CLTA: variants seen among roughly 807,000 people sequenced by gnomAD.
CLTA encodes clathrin, light polypeptide (Lca).
A neutral mutation model predicts 26.9 loss-of-function variants in CLTA; 9 were observed. The observed-to-expected ratio is 0.33, with a 90% CI of 0.20 to 0.58. The LOEUF (loss-of-function observed/expected upper bound fraction) is 0.58, where lower values mean the gene tolerates loss of function less well. CLTA is among the 20% of genes least tolerant of loss of function. CLTA has a pLI of 0.85. For synonymous variants in CLTA, 120 were observed against 115.5 expected, an observed-to-expected ratio of 1.04 and a Z score of -0.25; for missense variants, 278 against 294.2, an observed-to-expected ratio of 0.94 and a Z score of 0.40.
At chr9:36,199,295 G>A (rs778929879) in intron 3 of CLTA, among the ~76,000 whole-genome samples, 199 bp downstream of exon 3, 16 of 152,078 alleles carry the variant, frequency 1.1e-4, no homozygotes, top group Non-Finnish European at 1.9e-4. Context: ...TAGGGTAGCC[G>A]GAGATCCCCA....
chr9:36,211,456 C>A, intron 4 of CLTA, 147 bp from the exon 5 acceptor site: 1 of 1,053,212 alleles, frequency 9.5e-7, no homozygotes, highest in Non-Finnish European at 1.4e-6. Flanking sequence ...CTACCTGAGT[C>A]TGACCTGGGC....
At chr9:36,196,521 T>G (rs2132870068) in intron 1 of CLTA, among the ~76,000 whole-genome samples, 1 of 151,752 alleles carries the variant, frequency 6.6e-6, no homozygotes, top group Middle Eastern at 3.4e-3. Flanking sequence ...AATTTTTGTA[T>G]TTTTAGTATA....
At chr9:36,206,714 G>A (rs1827745684) in intron 4 of CLTA, among the ~76,000 whole-genome samples, 2 of 151,982 alleles carry the variant, frequency 1.3e-5, no homozygotes, top group South Asian at 4.2e-4. Flanking sequence ...GCCCAACATG[G>A]TGAAACCCCA....
rs61746131 is a variant in CLTA at position 36,211,631 on chromosome 9, A to G, written c.514A>G (p.Ile172Val). 1,465 of 1,613,614 alleles carry G rather than the reference A, an allele frequency of 9.1e-4. 10 individuals are homozygous for G. In the African/African-American group the frequency reaches 0.017, roughly 19 times the overall value. ...AGCAGAAGAAGCCTTTGTAAATGACATTGACGAGTCGTCCCCAGGCACTGA... is the reference window on the plus strand; with the variant it reads ...AGCAGAAGAAGCCTTTGTAAATGACGTTGACGAGTCGTCCCCAGGCACTGA... ...RAAEEAFVND[I>V]DESSPGTEWE... Residue 172 changes from isoleucine to valine, a missense_variant, in exon 5 of 5, where the codon ATT becomes GTT. Coordinates refer to ENST00000345519, the MANE Select transcript of CLTA (RefSeq NM_001833.4).
intron 3 of CLTA, 103 bp downstream of exon 3, chr9:36,199,199 T>C (rs748056368): frequency 2.5e-6 from 2 of 789,288 alleles, no homozygotes; most frequent in Non-Finnish European, 4.5e-6. Context: ...TGTCATTGTC[T>C]GGTCTTTGGG....
intron 1 of CLTA, among the ~76,000 whole-genome samples, chr9:36,192,484 T>G (rs1356340870): frequency 6.6e-6 from 1 of 152,116 alleles, no homozygotes; most frequent in Non-Finnish European, 1.5e-5. Context: ...AACAAATCAG[T>G]CCCCCAATAA....
intron 1 of CLTA, among the ~76,000 whole-genome samples, chr9:36,195,721 C>A (rs193001701): frequency 6.0e-4 from 91 of 152,302 alleles, no homozygotes; most frequent in African/African-American, 2.2e-3. Context: ...AATCCCAGCA[C>A]TTTCGGAGGC....
At chr9:36,194,227 A>G (rs1011370905) in intron 1 of CLTA, among the ~76,000 whole-genome samples, 1 of 152,178 alleles carries the variant, frequency 6.6e-6, no homozygotes, top group African/African-American at 2.4e-5. Context: ...GGGTTTCACC[A>G]TGTTGGCCAG....
chr9:36,196,410 G>A (rs74807146), intron 1 of CLTA, among the ~76,000 whole-genome samples: 5,733 of 146,608 alleles, frequency 0.039, 160 homozygotes, highest in Non-Finnish European at 0.058. Flanking sequence ...GCAGTGGCGC[G>A]ATCTTGGCTC....
In CLTA at chr9:36,190,956, C is replaced by T. The variant is rs1169497287; in HGVS notation, c.-101C>T. ...CGTCTCCCTCCTGGCGCTTGTCCTC[C>T]TCTCCCAGTCGGCACCACAGCGGTG... On this transcript the variant is annotated 5_prime_UTR_variant, in exon 1 of 5. Transcript: ENST00000345519. The T allele has an allele frequency of 9.0e-6, 13 of 1,439,980 alleles. No individual in the cohort carries two copies. In the East Asian group the frequency reaches 1.3e-4, roughly 15 times the overall value. The allele number at this position is 1,439,980 out of a possible 1,614,324, so 89.2% of individuals were successfully genotyped here. A position where few individuals can be genotyped will look rare whatever the true frequency, so the allele number is the denominator to read the frequency against.
At chr9:36,207,488 G>A (rs886178850) in intron 4 of CLTA, among the ~76,000 whole-genome samples, 2 of 152,232 alleles carry the variant, frequency 1.3e-5, no homozygotes, top group African/African-American at 4.8e-5. Flanking sequence ...TTTATGGAAT[G>A]AAGTTCTGCA....
chr9:36,198,527 T>C (rs1827188079), intron 2 of CLTA, among the ~76,000 whole-genome samples: 1 of 151,342 alleles, frequency 6.6e-6, no homozygotes, highest in Non-Finnish European at 1.5e-5. Flanking sequence ...AATACAAAAA[T>C]TAACCAGGCG....
intron 4 of CLTA, among the ~76,000 whole-genome samples, chr9:36,206,551 T>C (rs929960401): frequency 6.6e-6 from 1 of 152,284 alleles, no homozygotes; most frequent in East Asian, 1.9e-4. Flanking sequence ...ATGTATAAAG[T>C]AATTCATCCT....
At chr9:36,201,250 T>TG (rs1827384044) in intron 3 of CLTA, among the ~76,000 whole-genome samples, 1 of 152,226 alleles carries the variant, frequency 6.6e-6, no homozygotes, top group East Asian at 1.9e-4. Context: ...CTTTTTTCCT[T>TG]GCAAAAACTG....
rs544325717 is a variant in CLTA at position 36,209,444 on chromosome 9, G to A, written c.486-2159G>A. 5.3e-6 allele frequency: 4 copies of A among 760,248 alleles called. No homozygotes were observed. The East Asian group carries it at 1.0e-4, about 20-fold the overall frequency. The allele number at this position is 760,248 out of a possible 1,614,324, so 47.1% of individuals were successfully genotyped here. On this transcript the variant is annotated intron_variant, in intron 4 of 4. Coordinates refer to ENST00000345519, the MANE Select transcript of CLTA (RefSeq NM_001833.4). Reference sequence around the variant, plus strand: ...ATTATTTCAAATTGGCACTTTGGGGGCTGCCTAAGAATTGATAAGCGGGGT... The same window carrying A: ...ATTATTTCAAATTGGCACTTTGGGGACTGCCTAAGAATTGATAAGCGGGGT...
rs747044218 is a variant in CLTA, at chr9:36,197,560, A to T, written c.227A>T (p.Asp76Val). Residue 76 changes from aspartate to valine, a missense_variant, in exon 2 of 5, where the codon GAT (aspartate) becomes GTT (valine). Transcript: ENST00000345519. ...ATCTTATGTCTTGCAGATGCTGTTG[A>T]TGGAGTAATGAATGGTGAATACTAC... ...GEPPGGPDAV[D>V]GVMNGEYYQE... The T allele has an allele frequency of 7.4e-6, 12 of 1,611,292 alleles. No individual in the cohort carries two copies. The African/African-American group carries it at 1.6e-4, about 22-fold the overall frequency.
At chr9:36,203,728 A>G (rs1049975870) in intron 3 of CLTA, among the ~76,000 whole-genome samples, 1 of 152,212 alleles carries the variant, frequency 6.6e-6, no homozygotes, top group African/African-American at 2.4e-5. Context: ...TTTTCCTATT[A>G]ATAATAGAAG....
chr9:36,190,951 T>C lies in CLTA; in HGVS notation c.-106T>C. 1 of 1,434,578 alleles carries C rather than the reference T, an allele frequency of 7.0e-7. No homozygotes were observed. Among genetic ancestry groups the C allele is most frequent in the East Asian group, 2.7e-5 (1 of 37,718 alleles). The allele number at this position is 1,434,578 out of a possible 1,614,324, so 88.9% of individuals were successfully genotyped here. On this transcript the variant is annotated 5_prime_UTR_variant, in exon 1 of 5. Coordinates refer to ENST00000345519, the MANE Select transcript of CLTA (RefSeq NM_001833.4). ...TTACCCGTCTCCCTCCTGGCGCTTG[T>C]CCTCCTCTCCCAGTCGGCACCACAG...
chr9:36,197,697 T>C, intron 2 of CLTA, 109 bp downstream of exon 2: 1 of 760,666 alleles, frequency 1.3e-6, no homozygotes, highest in Admixed American at 2.4e-5. Context: ...CTTTCCTGAA[T>C]GTATTACTGG....
Sources: gnomAD v4.1 joint callset for allele counts (sites outside exome capture counted in the v4.1 genomes callset) on GRCh38, gnomAD v4.1.1 for gene constraint, MANE v1.5 for transcripts, NCBI Gene and HGNC (gene_info 2026-07-23, HGNC 2026-07-21) for gene names.